ATP11B: variants seen among roughly 807,000 people sequenced by gnomAD.
ATP11B encodes phospholipid-transporting ATPase IF.
Under a neutral mutation model 157.8 loss-of-function variants are expected in ATP11B, and 81 were observed. The observed-to-expected ratio is 0.51, with a 90% CI of 0.43 to 0.62. The LOEUF (loss-of-function observed/expected upper bound fraction) is 0.62, where lower values mean the gene tolerates loss of function less well. ATP11B is among the 20% of genes least tolerant of loss of function. The probability of loss-of-function intolerance (pLI) is 0.00; values close to 1 mark genes in which losing one functional copy is unlikely to be tolerated. For synonymous variants in ATP11B, 451 were observed against 469.4 expected (o/e 0.96, Z 0.51); for missense variants, 1,165 against 1,402.2 (o/e 0.83, Z 2.70).
At chr3:182,863,918 T>C (rs1054626866) in intron 12 of ATP11B, among the ~76,000 whole-genome samples, 1 of 152,072 alleles carries the variant, frequency 6.6e-6, no homozygotes, top group Non-Finnish European at 1.5e-5. Flanking sequence ...GGGCTTTTTT[T>C]AATTAACTTG....
chr3:182,903,588 G>A (rs1033524353), intron 28 of ATP11B, among the ~76,000 whole-genome samples: 94 of 152,154 alleles, frequency 6.2e-4, no homozygotes, highest in African/African-American at 2.1e-3. Flanking sequence ...AAATTACAAT[G>A]GTGTAATAAT....
intron 1 of ATP11B, among the ~76,000 whole-genome samples, chr3:182,814,214 C>T (rs992688575): frequency 3.9e-5 from 6 of 152,002 alleles, no homozygotes; most frequent in African/African-American, 7.3e-5. Flanking sequence ...CAGGCACGCA[C>T]CACCACACCC....
At chr3:182,810,483 CT>C (rs1452214448) in intron 1 of ATP11B, among the ~76,000 whole-genome samples, 3 of 151,464 alleles carry the variant, frequency 2.0e-5, no homozygotes, top group Non-Finnish European at 4.4e-5. Context: ...ACATGCTTTA[CT>C]TTCTTTCGAA....
chr3:182,880,864 C>CAATAACCA lies in ATP11B; in HGVS notation c.2407-14_2407-13insATAACCAA. 23 of 1,513,928 alleles carry CAATAACCA rather than the reference C, an allele frequency of 1.5e-5. No individual in the cohort carries two copies. Among genetic ancestry groups the CAATAACCA allele is most frequent in the Non-Finnish European group, 1.8e-5 (20 of 1,119,926 alleles). The allele number at this position is 1,513,928 out of a possible 1,614,324, so 93.8% of individuals were successfully genotyped here. On this transcript the variant is annotated splice_polypyrimidine_tract_variant and intron_variant, in intron 20 of 29. Coordinates refer to ENST00000323116, the MANE Select transcript of ATP11B (RefSeq NM_014616.3). ...GAACTTGCGTCATAAATAACCAATT[C>CAATAACCA]ATTATGTCTTTCAGGTAATAAGACT... is the stretch of plus-strand genomic sequence containing the variant.
At chr3:182,917,233 ATG>A in intron 29 of ATP11B, 2 of 985,372 alleles carry the variant, frequency 2.0e-6, no homozygotes, top group Non-Finnish European at 2.4e-6. Flanking sequence ...TTATTGTTAA[ATG>A]TGTTTAGTCT....
At chr3:182,826,349 G>A (rs959664043) in intron 2 of ATP11B, among the ~76,000 whole-genome samples, 1 of 152,166 alleles carries the variant, frequency 6.6e-6, no homozygotes, top group African/African-American at 2.4e-5. Flanking sequence ...GTTCTCTTCA[G>A]GATTCTGGAA....
chr3:182,898,046 A>C (rs533743993), intron 27 of ATP11B, among the ~76,000 whole-genome samples: 2 of 152,054 alleles, frequency 1.3e-5, no homozygotes, highest in African/African-American at 4.8e-5. Flanking sequence ...GGCCAAAAAA[A>C]TTTGGATTAG....
intron 1 of ATP11B, among the ~76,000 whole-genome samples, chr3:182,812,089 T>C (rs942562093): frequency 3.3e-5 from 5 of 152,214 alleles, no homozygotes; most frequent in Admixed American, 6.5e-5. Context: ...CAGGACATCT[T>C]TTTTTACTTC....
intron 1 of ATP11B, among the ~76,000 whole-genome samples, chr3:182,797,097 A>G (rs1317669008): frequency 6.6e-6 from 1 of 152,204 alleles, no homozygotes; most frequent in Non-Finnish European, 1.5e-5. Context: ...CACAGTCACA[A>G]GGAAGATGCA....
chr3:182,878,101 CAGATATTGGAGAGTTAGT>C (rs1722171154), intron 19 of ATP11B, among the ~76,000 whole-genome samples: 2 of 152,246 alleles, frequency 1.3e-5, no homozygotes, highest in East Asian at 3.9e-4. Flanking sequence ...GTGTTGATTT[CAGATATTGGAGAGTTAGT>C]AGTAATGAGA....
rs115464803 is a variant in ATP11B at position 182,806,536 on chromosome 3, A to C, written c.27+12750A>C. Among the ~76,000 whole-genome samples, 1,411 of 151,378 alleles carry C rather than the reference A, an allele frequency of 9.3e-3. 23 individuals carry two copies. The highest frequency in any genetic ancestry group is 0.033 in the African/African-American group (1,348 of 41,238). ...ATGGCTCTTTTCTTATTCTCATCTCATTTTCTATCTGTGCTGTTTTCAGCA... is the reference window on the plus strand; with the variant it reads ...ATGGCTCTTTTCTTATTCTCATCTCCTTTTCTATCTGTGCTGTTTTCAGCA... On this transcript the variant is annotated intron_variant, in intron 1 of 29. Transcript: ENST00000323116.
chr3:182,872,491 A>G lies in ATP11B; in HGVS notation c.2002A>G (p.Ile668Val), dbSNP rs555706484. The G allele has an allele frequency of 3.7e-6, 6 of 1,614,128 alleles. No individual in the cohort carries two copies. The highest frequency in any genetic ancestry group is 1.1e-5 in the South Asian group (1 of 91,080). The change falls in exon 18 of 30, where the codon ATA becomes GTA. Residue 668 changes from isoleucine to valine, a missense_variant. Around this residue, in one of 4 missense-constraint regions of ATP11B, gnomAD observed 737 missense variants for 930.5 expected, o/e 0.79. Transcript: ENST00000323116. ...EEKLAAVFQF[I>V]EKDLILLGAT... is the part of the protein sequence containing the mutation. The stretch of plus-strand genomic sequence containing the variant: ...GAAATTGGCAGCTGTTTTCCAGTTC[A>G]TAGAGAAAGACCTGATATTACTTGG...
At chr3:182,799,158 A>G (rs1267470569) in intron 1 of ATP11B, among the ~76,000 whole-genome samples, 1 of 152,222 alleles carries the variant, frequency 6.6e-6, no homozygotes, top group African/African-American at 2.4e-5. Flanking sequence ...GACTAACTGC[A>G]TCTGGTCCCT....
At chr3:182,797,922 AT>A in intron 1 of ATP11B, among the ~76,000 whole-genome samples, 1 of 152,106 alleles carries the variant, frequency 6.6e-6, no homozygotes. Context: ...GCTGTATAAC[AT>A]TAAAAGTGAA....
intron 1 of ATP11B, among the ~76,000 whole-genome samples, chr3:182,818,947 A>G (rs1186027383): frequency 6.6e-6 from 1 of 151,430 alleles, no homozygotes; most frequent in African/African-American, 2.4e-5. Context: ...AAAGAAAAAA[A>G]CCTAAGGAAT....
chr3:182,884,855 A>G lies in ATP11B; in HGVS notation c.2612A>G (p.Tyr871Cys), dbSNP rs1180302643. 6.4e-7 allele frequency: 1 copy of G among 1,557,222 alleles called. No individual in the cohort carries two copies. The highest frequency in any genetic ancestry group is 1.7e-5 in the Admixed American group (1 of 57,266). Reference protein sequence around the residue: ...SKLLFVHGHFYYIRIATLVQY... With the variant: ...SKLLFVHGHFCYIRIATLVQY... The stretch of plus-strand genomic sequence containing the variant: ...TTGCTTTTTGTTCATGGTCATTTTT[A>G]TTATATTAGAATAGCTACCCTTGTA... The change falls in exon 22 of 30, where the codon TAT becomes TGT. Residue 871 changes from tyrosine to cysteine, a missense_variant. Tyr to Cys is a radical substitution (Grantham distance 194, BLOSUM62 -2). Transcript: ENST00000323116.
intron 28 of ATP11B, among the ~76,000 whole-genome samples, chr3:182,906,752 T>C (rs1398637100): frequency 2.0e-5 from 3 of 148,756 alleles, no homozygotes; most frequent in Non-Finnish European, 4.5e-5. Flanking sequence ...ACCTGGCTCA[T>C]AAATTTTCAT....
At chr3:182,838,469 T>A (rs896619501) in intron 7 of ATP11B, among the ~76,000 whole-genome samples, 2 of 152,108 alleles carry the variant, frequency 1.3e-5, no homozygotes, top group Non-Finnish European at 2.9e-5. Context: ...AAAACTTTTT[T>A]AAATAAACAC....
intron 1 of ATP11B, among the ~76,000 whole-genome samples, chr3:182,808,805 C>T (rs1158187767): frequency 6.6e-6 from 1 of 152,106 alleles, no homozygotes; most frequent in Non-Finnish European, 1.5e-5. Context: ...CTGTACCCTT[C>T]TCTCCCACCC....
Sources: allele counts gnomAD v4.1 joint callset (sites outside exome capture counted in the v4.1 genomes callset), GRCh38; gene constraint gnomAD v4.1.1; regional missense constraint gnomAD v4.1.1; transcripts MANE v1.5; gene names NCBI Gene and HGNC (gene_info 2026-07-23, HGNC 2026-07-21).